SARNP: variants seen among roughly 807,000 people sequenced by gnomAD.
SARNP encodes the protein SAP domain containing ribonucleoprotein.
Under a neutral mutation model 38.1 loss-of-function variants are expected in SARNP, and 5 were observed. The observed-to-expected ratio is 0.13, with a 90% CI of 0.07 to 0.28. SARNP has a LOEUF of 0.28. Among genes scored for constraint, SARNP ranks in the 10% least tolerant of loss-of-function variants. The pLI, the probability that SARNP is intolerant of heterozygous loss-of-function variation, is 1.00. For missense variants in SARNP, 180 were observed against 243.9 expected (o/e 0.74, Z 1.75); for synonymous variants, 84 against 80.6 (o/e 1.04, Z -0.23).
intron 9 of SARNP, among the ~76,000 whole-genome samples, chr12:55,767,833 C>A (rs1471271004): frequency 8.5e-6 from 1 of 117,252 alleles, no homozygotes; most frequent in Non-Finnish European, 1.6e-5. Flanking sequence ...GGCAACAGAG[C>A]GAGACTCCCT....
At chr12:55,802,165 A>C (rs1879998315) in intron 2 of SARNP, among the ~76,000 whole-genome samples, 1 of 152,130 alleles carries the variant, frequency 6.6e-6, no homozygotes, top group African/African-American at 2.4e-5. Context: ...ACCCTTATGT[A>C]CTAGTAATGA....
At chr12:55,793,437 A>T (rs138655865) in intron 7 of SARNP, 132 of 152,192 alleles carry the variant, frequency 8.7e-4, no homozygotes, top group African/African-American at 2.9e-3. Context: ...TCGTCCCTCC[A>T]TTTCCTCAGG....
At chr12:55,784,850 G>A (rs568097969) in intron 9 of SARNP, among the ~76,000 whole-genome samples, 2 of 152,316 alleles carry the variant, frequency 1.3e-5, no homozygotes, top group Admixed American at 1.3e-4. Context: ...GGATAGTTCT[G>A]AAAATCAAGA....
At chr12:55,777,401 G>C (rs1879213007) in intron 9 of SARNP, among the ~76,000 whole-genome samples, 1 of 149,766 alleles carries the variant, frequency 6.7e-6, no homozygotes. Context: ...TTGAGATGGA[G>C]TCTCGCTCTG....
chr12:55,781,301 C>T (rs578116354), intron 9 of SARNP, among the ~76,000 whole-genome samples: 35 of 152,074 alleles, frequency 2.3e-4, no homozygotes, highest in African/African-American at 8.2e-4. Context: ...TTTGGGAGGC[C>T]AAGGCAGGCA....
At chr12:55,779,602 C>T (rs1879283110) in intron 9 of SARNP, among the ~76,000 whole-genome samples, 1 of 152,142 alleles carries the variant, frequency 6.6e-6, no homozygotes, top group South Asian at 2.1e-4. Context: ...ATATCCTATG[C>T]ATGGCCCCAT....
chr12:55,807,568 CGAG>C (rs1410413799), intron 1 of SARNP, among the ~76,000 whole-genome samples: 14 of 149,792 alleles, frequency 9.3e-5, no homozygotes, highest in Non-Finnish European at 2.1e-4. Flanking sequence ...TTTGAGAGGC[CGAG>C]GCAGGCGGAT....
intron 1 of SARNP, 97 bp downstream of exon 1, chr12:55,817,569 A>AAGGCTGC (rs1272685218): frequency 6.0e-6 from 7 of 1,166,224 alleles, no homozygotes; most frequent in Non-Finnish European, 8.6e-6. Flanking sequence ...CGAAGTGGAA[A>AAGGCTGC]AGGCTGCACG....
intron 9 of SARNP, among the ~76,000 whole-genome samples, chr12:55,766,266 G>A (rs1166731090): frequency 6.6e-6 from 1 of 152,100 alleles, no homozygotes; most frequent in Non-Finnish European, 1.5e-5. Context: ...AGAAGTGCTT[G>A]AATCTGAAGT....
chr12:55,792,028 G>A (rs1879685188), intron 7 of SARNP, among the ~76,000 whole-genome samples: 1 of 151,980 alleles, frequency 6.6e-6, no homozygotes, highest in South Asian at 2.1e-4. Context: ...AGGAGGCTGA[G>A]GGAGGATTGC....
downstream of SARNP, chr12:55,756,188 G>C (rs549044386): frequency 6.6e-6 from 1 of 152,318 alleles, no homozygotes; most frequent in East Asian, 1.9e-4. Flanking sequence ...GAAAAGGGAA[G>C]GTCATTCCAA....
chr12:55,767,792 A>C (rs1878883597), intron 9 of SARNP, among the ~76,000 whole-genome samples: 1 of 138,988 alleles, frequency 7.2e-6, no homozygotes, highest in Non-Finnish European at 1.5e-5. Flanking sequence ...GCTTGCAGTG[A>C]GCCGAGATCG....
At chr12:55,796,105 A>G (rs770174684) in intron 4 of SARNP, 29 bp from the exon 5 acceptor site, 1 of 1,497,386 alleles carries the variant, frequency 6.7e-7, no homozygotes, top group South Asian at 1.1e-5. Flanking sequence ...TTTTAAAATG[A>G]GAAAACTGAT....
At chr12:55,810,215 T>C (rs939544579) in intron 1 of SARNP, among the ~76,000 whole-genome samples, 1 of 152,166 alleles carries the variant, frequency 6.6e-6, no homozygotes, top group African/African-American at 2.4e-5. Flanking sequence ...TGGGTTCAAA[T>C]GATCCTCCTG....
chr12:55,768,180 C>T (rs1354969014), intron 9 of SARNP, among the ~76,000 whole-genome samples: 1 of 152,130 alleles, frequency 6.6e-6, no homozygotes. Context: ...GGCTGGAGCG[C>T]AAAGGCGTGA....
intron 8 of SARNP, among the ~76,000 whole-genome samples, 174 bp downstream of exon 8, chr12:55,790,393 G>A (rs1879629933): frequency 6.6e-6 from 1 of 152,124 alleles, no homozygotes; most frequent in Non-Finnish European, 1.5e-5. Context: ...CAATTTTCCT[G>A]ACCTCTCAGT....
Position 55,790,548 on chromosome 12 carries a change from A to T in SARNP, c.432+19T>A. On this transcript the variant is annotated intron_variant, in intron 8 of 10. Transcript: ENST00000336133. The stretch of plus-strand genomic sequence containing the variant: ...GAATTAAGATCTGGGTGTGTAAGAA[A>T]TAAAAAAAGATTTCTTACCATAGGT... 1 of 1,561,824 alleles carries T rather than the reference A, an allele frequency of 6.4e-7. No homozygotes were observed. The highest frequency in any genetic ancestry group is 8.7e-7 in the Non-Finnish European group (1 of 1,154,678).
At chr12:55,766,411 T>A (rs1299990326) in intron 9 of SARNP, among the ~76,000 whole-genome samples, 2 of 152,226 alleles carry the variant, frequency 1.3e-5, no homozygotes, top group East Asian at 1.9e-4. Context: ...TCCTCCCTCC[T>A]CTTCCATCTC....
intron 9 of SARNP, among the ~76,000 whole-genome samples, chr12:55,761,355 A>G (rs1878670786): frequency 6.6e-6 from 1 of 152,322 alleles, no homozygotes; most frequent in South Asian, 2.1e-4. Flanking sequence ...AACAATGCTT[A>G]CACGTTACCA....
Sources: gnomAD v4.1 joint callset for allele counts (sites outside exome capture counted in the v4.1 genomes callset) on GRCh38, gnomAD v4.1.1 for gene constraint, MANE v1.5 for transcripts, NCBI Gene and HGNC (gene_info 2026-07-23, HGNC 2026-07-21) for gene names.